CCDC13: variants seen among roughly 807,000 people sequenced by gnomAD.
CCDC13 encodes coiled-coil domain-containing protein 13.
A neutral mutation model predicts 87.3 loss-of-function variants in CCDC13; 70 were observed. That is an observed-to-expected ratio of 0.80 (90% CI 0.66 to 0.98). The LOEUF is 0.98. Among genes scored for constraint, CCDC13 ranks in the 50% least tolerant of loss-of-function variants. The probability of loss-of-function intolerance (pLI) is 0.00; values close to 1 mark genes in which losing one functional copy is unlikely to be tolerated. For synonymous variants in CCDC13, 317 were observed against 360.3 expected (o/e 0.88, Z 1.36); for missense variants, 842 against 892.0 (o/e 0.94, Z 0.71).
Position 42,758,307 on chromosome 3 carries a change from G to C in CCDC13, c.39C>G (p.Leu13=), listed in dbSNP as rs747367232. 1.2e-6 allele frequency: 2 copies of C among 1,613,094 alleles called. No individual in the cohort carries two copies. The highest frequency in any genetic ancestry group is 1.7e-5 in the Admixed American group (1 of 60,016). Residue 13 remains leucine, a synonymous_variant, in exon 2 of 16, where the codon CTC becomes CTG. Transcript: ENST00000310232. Reference sequence around the variant, plus strand: ...GCATCTCCTGCATTGCCTTGAACTGGAGCCGCAAAGTGTTCTGTGAGCTTT... The same window carrying C: ...GCATCTCCTGCATTGCCTTGAACTGCAGCCGCAAAGTGTTCTGTGAGCTTT... ...ADESSQNTLR[L]QFKAMQEMQH... is the part of the protein sequence containing the mutation.
At chr3:42,761,521 G>C (rs1026231244) in intron 1 of CCDC13, among the ~76,000 whole-genome samples, 8 of 152,202 alleles carry the variant, frequency 5.3e-5, no homozygotes, top group African/African-American at 2.4e-5. Flanking sequence ...GCTTCACAAT[G>C]GCAGGCACTG....
chr3:42,759,670 A>C (rs1157353801), intron 1 of CCDC13, among the ~76,000 whole-genome samples: 4 of 152,206 alleles, frequency 2.6e-5, no homozygotes, highest in Non-Finnish European at 4.4e-5. Context: ...TGTTTAAATA[A>C]ACAAGAATTT....
chr3:42,747,317 C>G lies in CCDC13; in HGVS notation c.660G>C (p.Lys220Asn). The G allele has an allele frequency of 6.2e-7, 1 of 1,614,176 alleles. No individual in the cohort carries two copies. Among genetic ancestry groups the G allele is most frequent in the Non-Finnish European group, 8.5e-7 (1 of 1,180,042 alleles). ...GGATCTGGTTTCGGAGGTCACTCAT[C>G]TTCAAGTTGGTGGCCACCAGCCTGT... Reference protein sequence around the residue: ...LQDRLVATNLKMSDLRNQIQS... With the variant: ...LQDRLVATNLNMSDLRNQIQS... Residue 220 changes from lysine (K) to asparagine (N), a missense_variant, in exon 6 of 16, where the codon AAG becomes AAC. Lys to Asn is a moderately conservative substitution (Grantham distance 94). Transcript: ENST00000310232.
At chr3:42,739,131 T>C (rs1195530613) in intron 9 of CCDC13, among the ~76,000 whole-genome samples, 1 of 152,204 alleles carries the variant, frequency 6.6e-6, no homozygotes, top group African/African-American at 2.4e-5. Flanking sequence ...AACTCAGTTG[T>C]ATGGTCTTAG....
chr3:42,762,190 GGCAAAGGTCAAACAAA>G (rs1699846600), intron 1 of CCDC13, among the ~76,000 whole-genome samples: 1 of 152,208 alleles, frequency 6.6e-6, no homozygotes. Context: ...CCCAGGGTTT[GGCAAAGGTCAAACAAA>G]AGCAGAAGCT....
chr3:42,763,503 CTTTT>C (rs765712843), intron 1 of CCDC13, among the ~76,000 whole-genome samples: 1 of 130,018 alleles, frequency 7.7e-6, no homozygotes. Context: ...AAGAGATGTA[CTTTT>C]TTTTTTTTTT....
chr3:42,769,565 C>T (rs1431254441), intron 1 of CCDC13, among the ~76,000 whole-genome samples: 1 of 152,270 alleles, frequency 6.6e-6, no homozygotes, highest in Non-Finnish European at 1.5e-5. Context: ...CCCTCGCAGC[C>T]CTCGCTCACT....
At chr3:42,740,976 C>T (rs758090063) in intron 8 of CCDC13, 7 of 152,228 alleles carry the variant, frequency 4.6e-5, no homozygotes, top group Non-Finnish European at 1.0e-4. Context: ...ACACTCCAGG[C>T]TCTTATGGGT....
rs776348972 is a variant in CCDC13 at position 42,732,948 on chromosome 3, T to C, written c.1534A>G (p.Thr512Ala). Residue 512 changes from threonine to alanine, a missense_variant, in exon 12 of 16, where the codon ACA becomes GCA. Coordinates refer to ENST00000310232, the MANE Select transcript of CCDC13 (RefSeq NM_144719.4). ...CTCGTGAGAGCAGATTCCACCAGTG[T>C]GTGGCCCAGGCTGGTCACAGAGCTG... ...SSRSVTSLGH[T>A]LVESALTRPS... 117 of 1,553,362 alleles carry C rather than the reference T, an allele frequency of 7.5e-5. No homozygotes were observed. The highest frequency in any genetic ancestry group is 1.0e-4 in the Non-Finnish European group (116 of 1,147,836).
In CCDC13 at chr3:42,742,792, G is replaced by A. The variant is rs1387550928; in HGVS notation, c.987+104C>T. ...GTCCCCAGGTGTCTCCTGCCTAGAAGGGGTGGCTCAGACTTCTGACCACAT... is the reference window on the plus strand; with the variant it reads ...GTCCCCAGGTGTCTCCTGCCTAGAAAGGGTGGCTCAGACTTCTGACCACAT... On this transcript the variant is annotated intron_variant, in intron 8 of 15. Transcript: ENST00000310232. The A allele has an allele frequency of 2.1e-6, 3 of 1,428,722 alleles. No homozygotes were observed. In the African/African-American group the frequency reaches 4.2e-5, roughly 20 times the overall value. 88.5% of individuals were successfully genotyped at this position (1,428,722 alleles called of 1,614,324 possible). A position where few individuals can be genotyped will look rare whatever the true frequency, so the allele number is the denominator to read the frequency against.
intron 13 of CCDC13, among the ~76,000 whole-genome samples, chr3:42,716,509 C>A (rs1354341454): frequency 6.6e-6 from 1 of 152,098 alleles, no homozygotes; most frequent in Admixed American, 6.5e-5. Flanking sequence ...ACAGGACAAA[C>A]AACCCAATTA....
intron 13 of CCDC13, among the ~76,000 whole-genome samples, chr3:42,715,139 A>C (rs1324360726): frequency 1.4e-5 from 1 of 69,268 alleles, no homozygotes; most frequent in Non-Finnish European, 2.6e-5. Flanking sequence ...TCTACTAAAA[A>C]TACAAAAAAA....
Position 42,713,743 on chromosome 3 carries a change from C to A in CCDC13, c.1719-427G>T, listed in dbSNP as rs775052012. On this transcript the variant is annotated intron_variant, in intron 13 of 15. Transcript: ENST00000310232. ...CCTACGAAACAGAATCACCTGTATA[C>A]GTTTTTGGATGAATTGATATTAGGT... is the stretch of plus-strand genomic sequence containing the variant. Among the ~76,000 whole-genome samples the A allele has an allele frequency of 3.9e-5, 6 of 152,296 alleles. No individual in the cohort carries two copies. The East Asian group carries it at 1.2e-3, about 29-fold the overall frequency.
chr3:42,761,488 A>G (rs1379465261), intron 1 of CCDC13, among the ~76,000 whole-genome samples: 1 of 152,054 alleles, frequency 6.6e-6, no homozygotes, highest in Non-Finnish European at 1.5e-5. Flanking sequence ...TTACTTGTTG[A>G]CTGCCTCTCT....
intron 14 of CCDC13, 60 bp from the exon 15 acceptor site, chr3:42,709,858 C>A: frequency 7.8e-7 from 1 of 1,282,904 alleles, no homozygotes; most frequent in South Asian, 1.2e-5. Flanking sequence ...TAGCACCCTG[C>A]TTCTCCTCCC....
chr3:42,719,244 A>G (rs9839430), intron 13 of CCDC13: 75,147 of 151,718 alleles, frequency 0.5, 18,852 homozygotes, highest in African/African-American at 0.59. Flanking sequence ...AGCTGAGAGC[A>G]GATGGGACTG....
At position 42,722,354 on chromosome 3, in the gene CCDC13, C is replaced by CA; in HGVS notation, c.1718+8112dup. On this transcript the variant is annotated intron_variant, in intron 13 of 15. Transcript: ENST00000310232. ...TATAAAAGGGATGGGGGGAAAATGT[C>CA]AGAGGCATTTGAACAAGAGCAACTC... Among the ~76,000 whole-genome samples, 7 of 152,256 alleles carry CA rather than the reference C, an allele frequency of 4.6e-5. No individual in the cohort carries two copies. The Middle Eastern group carries it at 0.02, about 444-fold the overall frequency.
chr3:42,750,810 TC>T (rs1699558000), intron 5 of CCDC13, among the ~76,000 whole-genome samples: 1 of 152,078 alleles, frequency 6.6e-6, no homozygotes, highest in African/African-American at 2.4e-5. Context: ...GCTTAGAAAA[TC>T]CCATCAGGCT....
Position 42,709,850 on chromosome 3 carries a change from G to A in CCDC13, c.1874-52C>T, listed in dbSNP as rs369772950. ...GTGAGGAGGCCACAGCCCTGTGCTAGCACCCTGCTTCTCCTCCCGCCATTG... is the reference window on the plus strand; with the variant it reads ...GTGAGGAGGCCACAGCCCTGTGCTAACACCCTGCTTCTCCTCCCGCCATTG... On this transcript the variant is annotated intron_variant, in intron 14 of 15. Transcript: ENST00000310232. 17 of 1,372,984 alleles carry A rather than the reference G, an allele frequency of 1.2e-5. No individual in the cohort carries two copies. The African/African-American group carries it at 2.1e-4, about 17-fold the overall frequency. The allele number at this position is 1,372,984 out of a possible 1,614,324, so 85.1% of individuals were successfully genotyped here.
Sources: allele counts gnomAD v4.1 joint callset (sites outside exome capture counted in the v4.1 genomes callset), GRCh38; gene constraint gnomAD v4.1.1; transcripts MANE v1.5; gene names NCBI Gene and HGNC (gene_info 2026-07-23, HGNC 2026-07-21).